Variants in AQR observed in about 807,000 individuals in gnomAD.
The protein encoded by AQR is aquarius intron-binding spliceosomal factor.
A neutral mutation model predicts 180.5 loss-of-function variants in AQR; 61 were observed. The ratio of observed to expected loss-of-function variants is 0.34; its 90% CI spans 0.28 to 0.42. AQR has a LOEUF of 0.42. Among genes scored for constraint, AQR ranks in the 10% least tolerant of loss-of-function variants. The probability of loss-of-function intolerance (pLI) is 1.00; values close to 1 mark genes in which losing one functional copy is unlikely to be tolerated. For missense variants in AQR, 1,281 were observed against 1,798.3 expected (o/e 0.71, Z 5.20); for synonymous variants, 551 against 588.8 (o/e 0.94, Z 0.93).
At chr15:34,868,688 C>T (rs936685462) in intron 31 of AQR, 1 of 152,262 alleles carries the variant, frequency 6.6e-6, no homozygotes, top group African/African-American at 2.4e-5. Context: ...CCCAGGCAAC[C>T]ACTGATTTAC....
chr15:34,858,494 G>T (rs1892623672), intron 34 of AQR, among the ~76,000 whole-genome samples: 1 of 152,122 alleles, frequency 6.6e-6, no homozygotes, highest in Admixed American at 6.5e-5. Context: ...ATGTGAAGAT[G>T]TTAATCTCCC....
rs1892585412 is a variant in AQR at position 34,856,328 on chromosome 15, T to C, written c.*464A>G. ...TGTATCTTACTGCTAATAATATCTT[T>C]ACATAAAGACAGCAAACAAAGGTAA... On this transcript the variant is annotated 3_prime_UTR_variant, in exon 35 of 35. Coordinates refer to ENST00000156471, the MANE Select transcript of AQR (RefSeq NM_014691.3). The C allele has an allele frequency of 2.6e-6, 1 of 385,388 alleles. No homozygotes were observed. The highest frequency in any genetic ancestry group is 2.1e-5 in the African/African-American group (1 of 48,372). The allele number at this position is 385,388 out of a possible 1,614,324, so 23.9% of individuals were successfully genotyped here.
intron 34 of AQR, 95 bp from the exon 35 acceptor site, chr15:34,857,201 G>A (rs1285347486): frequency 1.7e-6 from 2 of 1,210,926 alleles, no homozygotes; most frequent in Admixed American, 2.9e-5. Context: ...CTCCAAAACA[G>A]TGCTGACCAT....
chr15:34,892,334 C>G (rs1321473304), intron 23 of AQR, among the ~76,000 whole-genome samples: 1 of 152,086 alleles, frequency 6.6e-6, no homozygotes, highest in Non-Finnish European at 1.5e-5. Context: ...CACTTTAGAC[C>G]TTAGTCTTTC....
At chr15:34,868,475 GTAATT>G (rs1437514850) in intron 31 of AQR, 1 of 152,304 alleles carries the variant, frequency 6.6e-6, no homozygotes, top group East Asian at 1.9e-4. Context: ...TGCAGATACT[GTAATT>G]TATAGTCTCT....
intron 30 of AQR, among the ~76,000 whole-genome samples, chr15:34,871,611 GT>G (rs1892818965): frequency 6.6e-6 from 1 of 151,842 alleles, no homozygotes; most frequent in South Asian, 2.1e-4. Context: ...ACAATACCCA[GT>G]TTAATAGCAA....
At chr15:34,944,227 A>T in intron 6 of AQR, 61 bp downstream of exon 6, 1 of 1,470,836 alleles carries the variant, frequency 6.8e-7, no homozygotes, top group Non-Finnish European at 9.1e-7. Flanking sequence ...AATTTCATCT[A>T]AACTCAACCT....
intron 4 of AQR, among the ~76,000 whole-genome samples, chr15:34,951,301 C>G (rs540669765): frequency 6.6e-6 from 1 of 152,028 alleles, no homozygotes; most frequent in African/African-American, 2.4e-5. Context: ...GGAAGTTGGC[C>G]CAGGGAAAAT....
At position 34,969,655 on chromosome 15, in the gene AQR, G is replaced by T. The variant is rs577543924; in HGVS notation, c.-42C>A. The T allele has an allele frequency of 6.3e-7, 1 of 1,595,566 alleles. No homozygotes were observed. The highest frequency in any genetic ancestry group is 8.5e-7 in the Non-Finnish European group (1 of 1,171,988). On this transcript the variant is annotated 5_prime_UTR_variant, in exon 1 of 35. Transcript: ENST00000156471. ...CCACTCCAGTGGAAACTAAAGGACC[G>T]CTCTGGGCAGCGGCAACCCTGGTCC...
intron 1 of AQR, among the ~76,000 whole-genome samples, chr15:34,965,541 T>C (rs752940806): frequency 5.3e-5 from 8 of 152,076 alleles, no homozygotes; most frequent in Admixed American, 1.3e-4. Context: ...CTTGGTGGTG[T>C]GCACCTATAA....
At chr15:34,873,255 T>C (rs947787027) in intron 30 of AQR, among the ~76,000 whole-genome samples, 10 of 152,232 alleles carry the variant, frequency 6.6e-5, no homozygotes, top group East Asian at 1.9e-4. Flanking sequence ...TGTGAGAACA[T>C]TGCTTTTCAT....
At chr15:34,951,145 C>T (rs986630595) in intron 4 of AQR, among the ~76,000 whole-genome samples, 1 of 152,142 alleles carries the variant, frequency 6.6e-6, no homozygotes, top group South Asian at 2.1e-4. Context: ...TAAAATAATG[C>T]CTTCCTCTAA....
intron 24 of AQR, among the ~76,000 whole-genome samples, chr15:34,889,588 TCAAA>T (rs991949013): frequency 1.3e-5 from 2 of 152,236 alleles, no homozygotes; most frequent in South Asian, 2.1e-4. Context: ...GTATGTGATA[TCAAA>T]CAAAGTCCAG....
At chr15:34,960,297 T>C (rs200828284) in intron 3 of AQR, among the ~76,000 whole-genome samples, 2 of 152,334 alleles carry the variant, frequency 1.3e-5, no homozygotes, top group East Asian at 3.9e-4. Flanking sequence ...ACCATATACA[T>C]GAACCAGGGA....
intron 15 of AQR, among the ~76,000 whole-genome samples, chr15:34,917,843 G>A (rs963309554): frequency 2.0e-5 from 3 of 151,348 alleles, no homozygotes; most frequent in Non-Finnish European, 4.4e-5. Context: ...AAAAAGCTGG[G>A]TGTGGTGGTG....
At chr15:34,882,354 G>A in intron 27 of AQR, 148 bp downstream of exon 27, 4 of 869,990 alleles carry the variant, frequency 4.6e-6, no homozygotes, top group Middle Eastern at 3.9e-4. Context: ...ATTAGATTCA[G>A]AGTTCACTAA....
intron 22 of AQR, among the ~76,000 whole-genome samples, 188 bp from the exon 23 acceptor site, chr15:34,893,961 A>G (rs1362401224): frequency 6.6e-6 from 1 of 152,212 alleles, no homozygotes; most frequent in Non-Finnish European, 1.5e-5. Flanking sequence ...CACAACCTGA[A>G]TAACAGAAAA....
chr15:34,890,308 A>C lies in AQR; in HGVS notation c.2588T>G (p.Phe863Cys). The change falls in exon 24 of 35, where the codon TTT becomes TGT. Residue 863 changes from phenylalanine (F) to cysteine (C), a missense_variant. This residue lies in a region of AQR where 31 missense variants were observed against 95.5 expected (regional missense o/e 0.32). Coordinates refer to ENST00000156471, the MANE Select transcript of AQR (RefSeq NM_014691.3). The part of the protein sequence containing the change: ...THSNQALNQL[F>C]EKIMALDIDE... ...AATGTCTAATGCCATGATTTTCTCA[A>C]ACAACTGGTTTAGGGCCTAGACAAT... The C allele has an allele frequency of 6.2e-7, 1 of 1,613,632 alleles. No homozygotes were observed. Among genetic ancestry groups the C allele is most frequent in the Non-Finnish European group, 8.5e-7 (1 of 1,179,824 alleles).
At chr15:34,933,487 T>A (rs115772819) in intron 10 of AQR, among the ~76,000 whole-genome samples, 2,029 of 151,932 alleles carry the variant, frequency 0.013, 53 homozygotes, top group African/African-American at 0.047. Context: ...ATCTTTATTT[T>A]AAAAAATTGA....
Sources: gnomAD v4.1 joint callset for allele counts (sites outside exome capture counted in the v4.1 genomes callset) on GRCh38, gnomAD v4.1.1 for gene constraint, gnomAD v4.1.1 regional missense constraint, MANE v1.5 for transcripts, NCBI Gene and HGNC (gene_info 2026-07-23, HGNC 2026-07-21) for gene names.